Variants in ZNF385B observed in about 807,000 individuals in gnomAD.
ZNF385B encodes the protein zinc finger protein 385B, also known as zinc finger protein 533.
In ZNF385B, 23 loss-of-function variants were observed where a neutral mutation model predicts 39.2. The ratio of observed to expected loss-of-function variants is 0.59; its 90% CI spans 0.42 to 0.83. ZNF385B has a LOEUF of 0.83. Among genes scored for constraint, ZNF385B ranks in the 40% least tolerant of loss-of-function variants. ZNF385B has a pLI of 0.00. For synonymous variants in ZNF385B, 205 were observed against 222.6 expected, an observed-to-expected ratio of 0.92 and a Z score of 0.70; for missense variants, 552 against 598.9, an observed-to-expected ratio of 0.92 and a Z score of 0.82.
At chr2:179,582,189 A>C (rs1686605980) in intron 3 of ZNF385B, among the ~76,000 whole-genome samples, 1 of 152,220 alleles carries the variant, frequency 6.6e-6, no homozygotes, top group African/African-American at 2.4e-5. Flanking sequence ...TAGAGAGAAA[A>C]GACTAATTTA....
intron 1 of ZNF385B, among the ~76,000 whole-genome samples, chr2:179,816,439 G>A (rs777238551): frequency 2.6e-5 from 4 of 152,112 alleles, no homozygotes; most frequent in East Asian, 3.8e-4. Flanking sequence ...AAAAACAAAC[G>A]TAAGTTAGAT....
rs537844411 is a variant in ZNF385B at position 179,641,238 on chromosome 2, GT to G, written c.299-96270del. Among the ~76,000 whole-genome samples, 1,050 of 151,976 alleles carry G rather than the reference GT, an allele frequency of 6.9e-3. 1 individual carries two copies. Among genetic ancestry groups the G allele is most frequent in the Non-Finnish European group, 0.012 (814 of 67,958 alleles). ...TTATAGTCTTCAATCATATTCCTTT[GT>G]TTTTTTAGCCTGAAGGAACGACATT... On this transcript the variant is annotated intron_variant, in intron 3 of 9. Transcript: ENST00000410066.
chr2:179,586,630 T>C (rs1305923980), intron 3 of ZNF385B, among the ~76,000 whole-genome samples: 2 of 152,204 alleles, frequency 1.3e-5, no homozygotes, highest in Non-Finnish European at 2.9e-5. Context: ...CCCAGCTCTG[T>C]AGGTTGCCAA....
chr2:179,851,539 GA>G (rs1489137567), intron 1 of ZNF385B, among the ~76,000 whole-genome samples: 1 of 152,154 alleles, frequency 6.6e-6, no homozygotes, highest in Non-Finnish European at 1.5e-5. Flanking sequence ...CCTACAACAA[GA>G]AAATGCTAAG....
intron 5 of ZNF385B, among the ~76,000 whole-genome samples, chr2:179,503,823 C>A (rs927676095): frequency 6.8e-6 from 1 of 146,276 alleles, no homozygotes; most frequent in Non-Finnish European, 1.5e-5. Flanking sequence ...TTTTTTATGG[C>A]TGCATAGTAT....
chr2:179,646,364 A>T (rs944682667), intron 3 of ZNF385B, among the ~76,000 whole-genome samples: 3 of 152,244 alleles, frequency 2.0e-5, no homozygotes, highest in African/African-American at 7.2e-5. Context: ...GTGAGCCGAG[A>T]TTGCGCCACT....
chr2:179,479,958 CCT>C (rs2053821450), intron 6 of ZNF385B, among the ~76,000 whole-genome samples: 1 of 152,126 alleles, frequency 6.6e-6, no homozygotes, highest in Admixed American at 6.5e-5. Context: ...CCAGAAGCTC[CCT>C]CTGTTAACTC....
rs896962705 is a variant in ZNF385B, at chr2:179,517,338, C to A, written c.552+1190G>T. ...GATCTATAGATCAATTGGGGAAGAA[C>A]TAACATCTTAACAATATTAAGACTT... On this transcript the variant is annotated intron_variant, in intron 5 of 9. Coordinates refer to ENST00000410066, the MANE Select transcript of ZNF385B (RefSeq NM_152520.6). 2.6e-5 allele frequency among the ~76,000 whole-genome samples: 4 copies of A among 151,778 alleles called. No individual in the cohort carries two copies. The East Asian group carries it at 5.8e-4, about 22-fold the overall frequency.
intron 3 of ZNF385B, among the ~76,000 whole-genome samples, chr2:179,580,411 G>A (rs1352634988): frequency 6.6e-6 from 1 of 152,034 alleles, no homozygotes; most frequent in East Asian, 1.9e-4. Context: ...CACTCTTTGT[G>A]GGTATCATAA....
At chr2:179,726,287 A>G (rs934191909) in intron 3 of ZNF385B, among the ~76,000 whole-genome samples, 1 of 152,016 alleles carries the variant, frequency 6.6e-6, no homozygotes, top group Admixed American at 6.6e-5. Context: ...GCCTCTTTTT[A>G]TCTTCTTAAT....
intron 3 of ZNF385B, among the ~76,000 whole-genome samples, chr2:179,605,169 AT>A (rs1333428339): frequency 6.6e-6 from 1 of 152,150 alleles, no homozygotes; most frequent in African/African-American, 2.4e-5. Context: ...TTAATAACAG[AT>A]TTTTTATAGA....
At chr2:179,776,017 A>C (rs1245294371) in intron 1 of ZNF385B, among the ~76,000 whole-genome samples, 1 of 152,256 alleles carries the variant, frequency 6.6e-6, no homozygotes, top group Non-Finnish European at 1.5e-5. Flanking sequence ...GGAAGCTGCA[A>C]GAACATGACC....
rs192612707 is a variant in ZNF385B, at chr2:179,555,097, A to C, written c.299-10128T>G. On this transcript the variant is annotated intron_variant, in intron 3 of 9. Coordinates refer to ENST00000410066, the MANE Select transcript of ZNF385B (RefSeq NM_152520.6). ...AGCCAGTTAATCTATCAACAATAGA[A>C]AGAATAATTTTTGTATGTTTGCATG... Among the ~76,000 whole-genome samples the C allele has an allele frequency of 5.1e-4, 77 of 149,860 alleles. 8 individuals are homozygous for C. The highest frequency in any genetic ancestry group is 1.7e-3 in the African/African-American group (68 of 39,980).
chr2:179,673,444 A>T (rs6708429), intron 3 of ZNF385B, among the ~76,000 whole-genome samples: 2 of 152,128 alleles, frequency 1.3e-5, no homozygotes, highest in African/African-American at 4.8e-5. Flanking sequence ...AATTATGGAT[A>T]GTAGACCCCA....
intron 3 of ZNF385B, among the ~76,000 whole-genome samples, chr2:179,547,124 T>A (rs1048547117): frequency 4.7e-5 from 7 of 149,816 alleles, no homozygotes; most frequent in Non-Finnish European, 1.0e-4. Context: ...TATAATCCCA[T>A]ATCAGATGGA....
intron 3 of ZNF385B, among the ~76,000 whole-genome samples, chr2:179,688,519 A>ACAACAACAG (rs1553508705): frequency 6.6e-6 from 1 of 150,652 alleles, no homozygotes; most frequent in East Asian, 2.0e-4. Flanking sequence ...AACAACAACA[A>ACAACAACAG]AAACAGAAAG....
chr2:179,507,290 C>G (rs4894104), intron 5 of ZNF385B, among the ~76,000 whole-genome samples: 61,330 of 151,900 alleles, frequency 0.4, 13,320 homozygotes, highest in East Asian at 0.55. Flanking sequence ...AGCCCATAGG[C>G]CCCCTGCAGC....
At chr2:179,544,689 A>G in intron 4 of ZNF385B, 138 bp downstream of exon 4, 5 of 1,030,570 alleles carry the variant, frequency 4.9e-6, no homozygotes, top group Non-Finnish European at 7.3e-6. Flanking sequence ...ATCATCTTTC[A>G]TAGCACAACT....
intron 1 of ZNF385B, among the ~76,000 whole-genome samples, chr2:179,800,618 C>A (rs1475411082): frequency 6.6e-6 from 1 of 151,924 alleles, no homozygotes; most frequent in Admixed American, 6.6e-5. Flanking sequence ...TGCATGCTGC[C>A]AATACTTGTA....
Sources: allele counts gnomAD v4.1 joint callset (sites outside exome capture counted in the v4.1 genomes callset), GRCh38; gene constraint gnomAD v4.1.1; transcripts MANE v1.5; gene names NCBI Gene and HGNC (gene_info 2026-07-23, HGNC 2026-07-21).